Variants in FAAH2 observed in about 807,000 individuals in gnomAD.
FAAH2 encodes fatty acid amide hydrolase 2.
Under a neutral mutation model 36.9 loss-of-function variants are expected in FAAH2, and 60 were observed. The observed-to-expected ratio is 1.63, with a 90% CI of 1.32 to 2.02. FAAH2 has a LOEUF of 2.02. Ranked by LOEUF, FAAH2 falls within the 30% of genes most tolerant of loss-of-function variation. The pLI is 0.00. For missense variants in FAAH2, 689 were observed against 397.5 expected (o/e 1.73, Z -6.23); for synonymous variants, 214 against 143.8 (o/e 1.49, Z -3.49).
At chrX:57,402,756 C>T (rs780720779) in intron 7 of FAAH2, among the ~76,000 whole-genome samples, 3 of 112,024 alleles carry the variant, frequency 2.7e-5, no homozygotes, top group South Asian at 3.8e-4. Context: ...CCTTCTAACA[C>T]GCAAGTTAGC....
chrX:57,209,153 T>C, the FAAH2 span, among the ~76,000 whole-genome samples: 1 of 111,671 alleles, frequency 9.0e-6, no homozygotes, highest in Admixed American at 9.5e-5. Flanking sequence ...CCAAGTGCCC[T>C]CTTGGTACTT....
At chrX:57,471,453 C>G (rs1268248133) in intron 10 of FAAH2, among the ~76,000 whole-genome samples, 1 of 111,366 alleles carries the variant, frequency 9.0e-6, no homozygotes, top group Non-Finnish European at 1.9e-5. Context: ...ACACCCATAA[C>G]AGATAGAGAA....
chrX:57,355,122 A>T (rs777843134), intron 5 of FAAH2, among the ~76,000 whole-genome samples: 1 of 111,079 alleles, frequency 9.0e-6, no homozygotes, highest in Non-Finnish European at 1.9e-5. Flanking sequence ...TATTTTAAAT[A>T]ACCTCCAGAG....
At chrX:57,268,351 G>T in the FAAH2 span, among the ~76,000 whole-genome samples, 25 of 111,623 alleles carry the variant, frequency 2.2e-4, no homozygotes, top group African/African-American at 6.8e-4. Context: ...ATGAGATTAT[G>T]TAAAGAGACC....
At chrX:57,240,645 G>T in the FAAH2 span, among the ~76,000 whole-genome samples, 3 of 112,541 alleles carry the variant, frequency 2.7e-5, no homozygotes, top group African/African-American at 9.7e-5. Context: ...ACCAGCAGCA[G>T]CATGGCAGTG....
At chrX:57,149,195 C>T in the FAAH2 span, among the ~76,000 whole-genome samples, 1 of 111,585 alleles carries the variant, frequency 9.0e-6, no homozygotes, top group Non-Finnish European at 1.9e-5. Flanking sequence ...CAGTGTTCAT[C>T]AAGGATATTG....
Position 57,288,338 on chromosome X carries a change from C to CTTTTTTTTTT in FAAH2, c.192+1341_192+1350dup, listed in dbSNP as rs771871081. 3.2e-3 allele frequency among the ~76,000 whole-genome samples: 131 copies of CTTTTTTTTTT among 40,348 alleles called. 21 individuals carry two copies. Among genetic ancestry groups the CTTTTTTTTTT allele is most frequent in the African/African-American group, 0.018 (129 of 7,301 alleles). The allele number at this position is 40,348 out of a possible 115,157, so 35.0% of individuals were successfully genotyped here. On this transcript the variant is annotated intron_variant, in intron 1 of 10. Coordinates refer to ENST00000374900, the MANE Select transcript of FAAH2 (RefSeq NM_174912.4). ...TAGCTCTGTGATCTTAAAAACATTT[C>CTTTTTTTTTT]TTTTTTTTTTTTTTTTTTTTTTTTT...
chrX:57,457,368 G>A (rs763816568), intron 10 of FAAH2, among the ~76,000 whole-genome samples: 1 of 110,813 alleles, frequency 9.0e-6, no homozygotes, highest in Admixed American at 9.6e-5. Context: ...AAACTGGAAC[G>A]GTTCCCCTTG....
chrX:57,394,107 G>A (rs2055233303), intron 7 of FAAH2: 2 of 721,352 alleles, frequency 2.8e-6, no homozygotes, highest in Non-Finnish European at 4.5e-6. Flanking sequence ...GTGATGGCAT[G>A]GATGTCACCT....
chrX:57,121,702 A>T, the FAAH2 span: 2 of 111,837 alleles, frequency 1.8e-5, no homozygotes, highest in African/African-American at 6.5e-5. Flanking sequence ...CCAAATCCGG[A>T]GTAGTTCGTG....
At chrX:57,476,013 G>T (rs2057259834) in intron 10 of FAAH2, among the ~76,000 whole-genome samples, 1 of 110,796 alleles carries the variant, frequency 9.0e-6, no homozygotes, top group South Asian at 3.8e-4. Flanking sequence ...TTTGTGTATA[G>T]GAATGCTTGG....
rs897688553 is a variant in FAAH2, at chrX:57,385,702, C to T, written c.996+4673C>T. ...TATTCAAACCATAGGTCAGGACATC[C>T]AGGCCATCCTGGCTAACACGGTGAA... On this transcript the variant is annotated intron_variant, in intron 7 of 10. Transcript: ENST00000374900. Among the ~76,000 whole-genome samples, 3 of 111,661 alleles carry T rather than the reference C, an allele frequency of 2.7e-5. No individual in the cohort carries two copies. The Admixed American group carries it at 2.9e-4, about 11-fold the overall frequency.
intron 5 of FAAH2, among the ~76,000 whole-genome samples, chrX:57,363,730 G>A (rs951046017): frequency 9.0e-6 from 1 of 110,717 alleles, no homozygotes; most frequent in Non-Finnish European, 1.9e-5. Flanking sequence ...TTATTTTGAG[G>A]TATGTTCTAT....
intron 7 of FAAH2, among the ~76,000 whole-genome samples, chrX:57,422,515 C>T (rs1411490129): frequency 1.8e-5 from 2 of 112,103 alleles, no homozygotes; most frequent in African/African-American, 3.2e-5. Flanking sequence ...CACTGCAGAG[C>T]TGAGGAAATA....
the FAAH2 span, among the ~76,000 whole-genome samples, chrX:57,198,481 C>A: frequency 8.9e-6 from 1 of 112,330 alleles, no homozygotes; most frequent in African/African-American, 3.2e-5. Context: ...TGAGATCTTG[C>A]CCCAGGCTAC....
At chrX:57,193,317 A>G in the FAAH2 span, among the ~76,000 whole-genome samples, 1 of 111,663 alleles carries the variant, frequency 9.0e-6, no homozygotes, top group Non-Finnish European at 1.9e-5. Flanking sequence ...TGCCTAATAA[A>G]TTTTGTTCAG....
At chrX:57,219,722 C>T in the FAAH2 span, among the ~76,000 whole-genome samples, 2 of 109,089 alleles carry the variant, frequency 1.8e-5, no homozygotes, top group African/African-American at 6.7e-5. Context: ...GCCTCCTTTT[C>T]CCTGTTCTCC....
Position 57,323,389 on chromosome X carries a change from G to A in FAAH2, c.413-8209G>A, listed in dbSNP as rs189147971. On this transcript the variant is annotated intron_variant, in intron 3 of 10. Coordinates refer to ENST00000374900, the MANE Select transcript of FAAH2 (RefSeq NM_174912.4). ...GGGTCAAATGGTATTTCTAGTTCTA[G>A]ATCCCTGAGGAATCACCACACGGAC... Among the ~76,000 whole-genome samples the A allele has an allele frequency of 6.7e-3, 744 of 111,600 alleles. 6 individuals are homozygous for A. The highest frequency in any genetic ancestry group is 0.014 in the Middle Eastern group (3 of 218).
the FAAH2 span, among the ~76,000 whole-genome samples, chrX:57,184,832 A>T: frequency 5.3e-5 from 6 of 112,312 alleles, no homozygotes; most frequent in Non-Finnish European, 7.5e-5. Flanking sequence ...AAGGTTTTCC[A>T]AGTGTCTTTT....
Sources: gnomAD v4.1 joint callset for allele counts (sites outside exome capture counted in the v4.1 genomes callset) on GRCh38, gnomAD v4.1.1 for gene constraint, MANE v1.5 for transcripts, NCBI Gene and HGNC (gene_info 2026-07-23, HGNC 2026-07-21) for gene names.